The following LRRTM3 variants were observed in gnomAD, a reference collection of about 807,000 sequenced individuals.
The protein encoded by LRRTM3 is leucine-rich repeat transmembrane neuronal protein 3.
Under a neutral mutation model 44.7 loss-of-function variants are expected in LRRTM3, and 24 were observed. That is an observed-to-expected ratio of 0.54 (90% CI 0.39 to 0.76). The LOEUF is 0.76. Ranked by LOEUF, LRRTM3 falls within the 30% of genes least tolerant of loss-of-function variation. The probability of loss-of-function intolerance (pLI) is 0.00; values close to 1 mark genes in which losing one functional copy is unlikely to be tolerated. For synonymous variants in LRRTM3, 277 were observed against 278.7 expected (o/e 0.99, Z 0.06); for missense variants, 587 against 702.2 (o/e 0.84, Z 1.85).
At position 67,100,718 on chromosome 10, in the gene LRRTM3, G is replaced by C. The variant is rs1858289719; in HGVS notation, c.*2922G>C. Among the ~76,000 whole-genome samples, 1 of 151,674 alleles carries C rather than the reference G, an allele frequency of 6.6e-6. No individual in the cohort carries two copies. Among genetic ancestry groups the C allele is most frequent in the South Asian group, 2.1e-4 (1 of 4,820 alleles). Reference sequence around the variant, plus strand: ...CTGCAGCAAACCATAAAGTTATGCAGTGTTTTGAAGTTCACAAACCACATT... The same window carrying C: ...CTGCAGCAAACCATAAAGTTATGCACTGTTTTGAAGTTCACAAACCACATT... On this transcript the variant is annotated 3_prime_UTR_variant, in exon 3 of 3. Transcript: ENST00000361320.
At chr10:66,980,410 A>G (rs1408571476) in intron 2 of LRRTM3, among the ~76,000 whole-genome samples, 1 of 152,302 alleles carries the variant, frequency 6.6e-6, no homozygotes, top group East Asian at 1.9e-4. Flanking sequence ...CACACAGAGA[A>G]AAGAGAACCC....
chr10:67,039,553 T>A (rs907448439), intron 2 of LRRTM3, among the ~76,000 whole-genome samples: 6 of 152,170 alleles, frequency 3.9e-5, no homozygotes, highest in African/African-American at 1.4e-4. Flanking sequence ...TGTTGATACT[T>A]TTTTTGTTTA....
At chr10:67,052,264 C>T (rs1274884537) in intron 2 of LRRTM3, among the ~76,000 whole-genome samples, 1 of 151,574 alleles carries the variant, frequency 6.6e-6, no homozygotes. Context: ...CTACTCAGTA[C>T]AGATGATCAA....
intron 2 of LRRTM3, among the ~76,000 whole-genome samples, chr10:67,079,173 G>A (rs1443702225): frequency 1.3e-5 from 2 of 152,202 alleles, no homozygotes; most frequent in Non-Finnish European, 2.9e-5. Context: ...TCTGCTGGCT[G>A]TATTTTTTGT....
chr10:66,984,647 G>A (rs549675687), intron 2 of LRRTM3, among the ~76,000 whole-genome samples: 15 of 152,202 alleles, frequency 9.9e-5, no homozygotes, highest in Admixed American at 9.2e-4. Flanking sequence ...AATATAGCCT[G>A]CAGAAGTTTT....
At chr10:67,014,055 A>G (rs957429463) in intron 2 of LRRTM3, among the ~76,000 whole-genome samples, 3 of 152,184 alleles carry the variant, frequency 2.0e-5, no homozygotes, top group Non-Finnish European at 4.4e-5. Flanking sequence ...AGTGTAAAAA[A>G]TAACCTTTTT....
chr10:67,078,853 A>G (rs1297996116), intron 2 of LRRTM3, among the ~76,000 whole-genome samples: 1 of 152,212 alleles, frequency 6.6e-6, no homozygotes, highest in African/African-American at 2.4e-5. Context: ...CTCAAACTTC[A>G]GAGCAAGGTT....
At chr10:67,069,052 A>G (rs1856271568) in intron 2 of LRRTM3, among the ~76,000 whole-genome samples, 1 of 130,466 alleles carries the variant, frequency 7.7e-6, no homozygotes, top group Non-Finnish European at 1.7e-5. Flanking sequence ...AGACAGGAAA[A>G]AAAATATATA....
At chr10:67,028,458 T>A (rs899436745) in intron 2 of LRRTM3, among the ~76,000 whole-genome samples, 1 of 151,386 alleles carries the variant, frequency 6.6e-6, no homozygotes, top group African/African-American at 2.4e-5. Flanking sequence ...AAAAAAAAAA[T>A]CTAGAAGGTA....
At chr10:67,023,037 G>A (rs944563591) in intron 2 of LRRTM3, among the ~76,000 whole-genome samples, 20 of 152,082 alleles carry the variant, frequency 1.3e-4, no homozygotes, top group Admixed American at 2.6e-4. Context: ...GTCAGTGATT[G>A]GCATACTCAA....
Position 67,022,940 on chromosome 10 carries a change from A to AAAAT in LRRTM3, c.1537-74627_1537-74624dup, listed in dbSNP as rs578243915. Among the ~76,000 whole-genome samples, 370 of 152,246 alleles carry AAAAT rather than the reference A, an allele frequency of 2.4e-3. 3 individuals carry two copies. The highest frequency in any genetic ancestry group is 3.3e-3 in the Non-Finnish European group (223 of 68,026). ...GCAAGAGAGTAAGACTGTGTCTCAA[A>AAAAT]AAATAAATAAATAAATAAATAAACT... On this transcript the variant is annotated intron_variant, in intron 2 of 2. Transcript: ENST00000361320.
At chr10:66,964,748 A>C (rs543454992) in intron 2 of LRRTM3, among the ~76,000 whole-genome samples, 1 of 152,256 alleles carries the variant, frequency 6.6e-6, no homozygotes, top group East Asian at 1.9e-4. Context: ...AAAACTGATA[A>C]GGCAGCATGG....
Position 66,926,374 on chromosome 10 carries a change from C to T in LRRTM3, c.-210C>T. The T allele has an allele frequency of 1.6e-6, 1 of 632,856 alleles. No homozygotes were observed. 39.2% of individuals were successfully genotyped at this position (632,856 alleles called of 1,614,324 possible). On this transcript the variant is annotated 5_prime_UTR_variant, in exon 1 of 3. Transcript: ENST00000361320. Reference sequence around the variant, plus strand: ...AGATTTTGATGTTTTGCTGCGAATGCGGTGTTGGGATTTATTTGTTCTTGG... The same window carrying T: ...AGATTTTGATGTTTTGCTGCGAATGTGGTGTTGGGATTTATTTGTTCTTGG...
intron 2 of LRRTM3, among the ~76,000 whole-genome samples, chr10:66,979,178 G>C (rs1367077585): frequency 6.6e-6 from 1 of 151,828 alleles, no homozygotes; most frequent in Non-Finnish European, 1.5e-5. Flanking sequence ...ATGTTGGCCA[G>C]GCTGGTCTCA....
chr10:67,003,706 C>T (rs1851809557), intron 2 of LRRTM3, among the ~76,000 whole-genome samples: 1 of 152,168 alleles, frequency 6.6e-6, no homozygotes, highest in African/African-American at 2.4e-5. Context: ...TGTCTTCATG[C>T]AGAATTTGAC....
chr10:67,064,758 G>T (rs779060237), intron 2 of LRRTM3, among the ~76,000 whole-genome samples: 13 of 152,262 alleles, frequency 8.5e-5, no homozygotes, highest in Middle Eastern at 3.4e-3. Context: ...CTTGAGTTAG[G>T]TATGGAAGAT....
intron 2 of LRRTM3, among the ~76,000 whole-genome samples, chr10:66,993,030 T>G (rs1283568691): frequency 6.6e-6 from 1 of 152,158 alleles, no homozygotes; most frequent in Non-Finnish European, 1.5e-5. Context: ...AATCATTATT[T>G]TCCATGATTT....
In LRRTM3 at chr10:66,982,623, T is replaced by A. The variant is rs555843830; in HGVS notation, c.1536+54171T>A. On this transcript the variant is annotated intron_variant, in intron 2 of 2. Transcript: ENST00000361320. ...TGAAATTAGACAAAGACAATTGAAA[T>A]AGAAAAAAATTGTTAACCTTGTGAG... Among the ~76,000 whole-genome samples the A allele has an allele frequency of 2.6e-5, 4 of 151,890 alleles. No individual in the cohort carries two copies. In the South Asian group the frequency reaches 6.2e-4, roughly 24 times the overall value.
At chr10:66,990,648 C>T (rs902777752) in intron 2 of LRRTM3, among the ~76,000 whole-genome samples, 1 of 151,980 alleles carries the variant, frequency 6.6e-6, no homozygotes, top group African/African-American at 2.4e-5. Flanking sequence ...CCAGTGTGGA[C>T]CAGATAAGTG....
Sources: allele counts gnomAD v4.1 joint callset (sites outside exome capture counted in the v4.1 genomes callset), GRCh38; gene constraint gnomAD v4.1.1; transcripts MANE v1.5; gene names NCBI Gene and HGNC (gene_info 2026-07-23, HGNC 2026-07-21).